The following SEMA3A variants were observed in gnomAD, a reference collection of about 807,000 sequenced individuals.
SEMA3A encodes semaphorin 3A.
SEMA3A carries 29 observed loss-of-function variants against 97.9 expected under a neutral mutation model. That is an observed-to-expected ratio of 0.30 (90% CI 0.22 to 0.40). The LOEUF (loss-of-function observed/expected upper bound fraction) is 0.40, where lower values mean the gene tolerates loss of function less well. SEMA3A is among the 10% of genes least tolerant of loss of function. The pLI is 1.00. For missense variants in SEMA3A, 763 were observed against 951.3 expected (o/e 0.80, Z 2.60); for synonymous variants, 321 against 323.7 (o/e 0.99, Z 0.09).
chr7:83,963,447 G>C, intron 15 of SEMA3A, 100 bp from the exon 16 acceptor site: 4 of 1,275,666 alleles, frequency 3.1e-6, no homozygotes, highest in African/African-American at 2.9e-5. Context: ...TTATTGCCAA[G>C]TTGGAAGTTG....
chr7:84,240,516 G>C (rs564532844), intron 3 of SEMA3A, among the ~76,000 whole-genome samples: 1 of 152,172 alleles, frequency 6.6e-6, no homozygotes, highest in Non-Finnish European at 1.5e-5. Flanking sequence ...CTTGAGGAAA[G>C]GGCCACGAGA....
At chr7:83,996,670 A>T (rs933875216) in intron 12 of SEMA3A, among the ~76,000 whole-genome samples, 2 of 147,752 alleles carry the variant, frequency 1.4e-5, no homozygotes, top group Non-Finnish European at 3.0e-5. Flanking sequence ...CTTTACTGTG[A>T]GAAGAGGAAA....
At chr7:84,423,128 C>T (rs1164179084) in intron 1 of SEMA3A, among the ~76,000 whole-genome samples, 3 of 151,802 alleles carry the variant, frequency 2.0e-5, no homozygotes, top group African/African-American at 7.3e-5. Context: ...TTTATTGTAA[C>T]AATAGAAAAA....
intron 6 of SEMA3A, among the ~76,000 whole-genome samples, chr7:84,044,286 C>A (rs899083834): frequency 6.6e-6 from 1 of 151,900 alleles, no homozygotes; most frequent in Non-Finnish European, 1.5e-5. Context: ...ATGCTCTTCT[C>A]TTCATCTCAG....
At chr7:84,335,774 G>A (rs946071921) in intron 2 of SEMA3A, among the ~76,000 whole-genome samples, 1 of 151,612 alleles carries the variant, frequency 6.6e-6, no homozygotes, top group African/African-American at 2.4e-5. Context: ...AATATAATGT[G>A]GGCTACATAT....
At chr7:84,147,777 T>A (rs1381291452) in intron 1 of SEMA3A, among the ~76,000 whole-genome samples, 2 of 152,242 alleles carry the variant, frequency 1.3e-5, no homozygotes, top group African/African-American at 4.8e-5. Context: ...CTAGCTTTAC[T>A]CTCTTCATTC....
intron 3 of SEMA3A, among the ~76,000 whole-genome samples, chr7:84,233,969 C>G (rs140997463): frequency 2.0e-5 from 3 of 150,936 alleles, no homozygotes; most frequent in Non-Finnish European, 3.0e-5. Flanking sequence ...AACCGATGCT[C>G]TATACTAAAA....
At chr7:84,491,372 T>C (rs1806731356) in intron 1 of SEMA3A, among the ~76,000 whole-genome samples, 3 of 152,160 alleles carry the variant, frequency 2.0e-5, no homozygotes, top group African/African-American at 7.2e-5. Context: ...TGACTATTAC[T>C]AGATAAGAAA....
At chr7:84,335,671 G>C (rs117861751) in intron 2 of SEMA3A, among the ~76,000 whole-genome samples, 1 of 152,054 alleles carries the variant, frequency 6.6e-6, no homozygotes, top group Non-Finnish European at 1.5e-5. Context: ...AAGAATGAAC[G>C]TATGACCTTA....
intron 1 of SEMA3A, among the ~76,000 whole-genome samples, chr7:84,383,963 C>T (rs1803335045): frequency 1.3e-5 from 2 of 152,194 alleles, no homozygotes; most frequent in Non-Finnish European, 2.9e-5. Flanking sequence ...CTGAGCCTCA[C>T]AGAGATTTGG....
chr7:84,246,348 G>C (rs1428570895), intron 3 of SEMA3A, among the ~76,000 whole-genome samples: 1 of 152,198 alleles, frequency 6.6e-6, no homozygotes, highest in East Asian at 1.9e-4. Flanking sequence ...CAATGGAAAA[G>C]TGGTTTAAAA....
intron 3 of SEMA3A, among the ~76,000 whole-genome samples, chr7:84,248,813 A>G (rs1455410903): frequency 6.6e-6 from 1 of 151,920 alleles, no homozygotes; most frequent in Non-Finnish European, 1.5e-5. Flanking sequence ...AGGAGAGACT[A>G]CAAAAACGTT....
chr7:84,453,151 C>G (rs1490531839), intron 1 of SEMA3A, among the ~76,000 whole-genome samples: 3 of 152,038 alleles, frequency 2.0e-5, no homozygotes, highest in African/African-American at 7.2e-5. Flanking sequence ...TATCGAATAC[C>G]TACTGCTAAG....
intron 4 of SEMA3A, among the ~76,000 whole-genome samples, chr7:84,070,917 A>G (rs1793716192): frequency 6.6e-6 from 1 of 152,152 alleles, no homozygotes; most frequent in South Asian, 2.1e-4. Flanking sequence ...TACTTGAATT[A>G]ACAATAGTAT....
chr7:84,008,490 C>CAAAAAAAAAAAAA (rs752729583), intron 9 of SEMA3A, among the ~76,000 whole-genome samples: 1 of 81,202 alleles, frequency 1.2e-5, no homozygotes, highest in African/African-American at 4.2e-5. Context: ...GACTCCGTCT[C>CAAAAAAAAAAAAA]AAAAAAAAAA....
intron 1 of SEMA3A, among the ~76,000 whole-genome samples, chr7:84,157,490 G>T (rs563087447): frequency 5.3e-5 from 8 of 152,292 alleles, no homozygotes; most frequent in African/African-American, 1.9e-4. Context: ...TTAAGGGGAC[G>T]CTGGAGAGCA....
chr7:84,282,958 G>A (rs960128506), intron 3 of SEMA3A, among the ~76,000 whole-genome samples: 28 of 151,732 alleles, frequency 1.8e-4, no homozygotes, highest in African/African-American at 6.3e-4. Flanking sequence ...AGGTTGCAGC[G>A]AACAGAGATC....
intron 4 of SEMA3A, among the ~76,000 whole-genome samples, chr7:84,078,588 A>G (rs1461115732): frequency 6.6e-6 from 1 of 152,030 alleles, no homozygotes; most frequent in African/African-American, 2.4e-5. Context: ...TGGTGGAGGT[A>G]CTATATAGTT....
chr7:84,004,325 A>G (rs11978893), intron 11 of SEMA3A, among the ~76,000 whole-genome samples: 36,953 of 152,016 alleles, frequency 0.24, 4,658 homozygotes, highest in South Asian at 0.31. Context: ...TATACCTGAA[A>G]AAGTCTGTTT....
Sources: gnomAD v4.1 joint callset for allele counts (sites outside exome capture counted in the v4.1 genomes callset) on GRCh38, gnomAD v4.1.1 for gene constraint, MANE v1.5 for transcripts, NCBI Gene and HGNC (gene_info 2026-07-23, HGNC 2026-07-21) for gene names.